LARGE1: variants seen among roughly 807,000 people sequenced by gnomAD.
The protein encoded by LARGE1 is LARGE xylosyl- and glucuronyltransferase 1.
LARGE1 carries 43 observed loss-of-function variants against 87.6 expected under a neutral mutation model. The observed-to-expected ratio is 0.49, with a 90% CI of 0.38 to 0.63. The LOEUF is 0.63. LARGE1 is among the 30% of genes least tolerant of loss of function. The probability of loss-of-function intolerance (pLI) is 0.00; values close to 1 mark genes in which losing one functional copy is unlikely to be tolerated. For synonymous variants in LARGE1, 434 were observed against 394.6 expected (o/e 1.10, Z -1.18); for missense variants, 802 against 1,000.2 (o/e 0.80, Z 2.67).
At chr22:33,215,105 CAATACTA>C (rs1925143371) in intron 11 of LARGE1, among the ~76,000 whole-genome samples, 1 of 152,176 alleles carries the variant, frequency 6.6e-6, no homozygotes, top group Non-Finnish European at 1.5e-5. Context: ...TTTCTTCTAG[CAATACTA>C]AACTCCATAC....
At chr22:33,627,592 A>T (rs1002626825) in intron 3 of LARGE1, among the ~76,000 whole-genome samples, 1 of 152,180 alleles carries the variant, frequency 6.6e-6, no homozygotes, top group African/African-American at 2.4e-5. Flanking sequence ...CAGCCATGTC[A>T]AAATGCAGTT....
chr22:33,755,647 C>T (rs1435111715), intron 2 of LARGE1, among the ~76,000 whole-genome samples: 3 of 152,138 alleles, frequency 2.0e-5, no homozygotes, highest in African/African-American at 7.2e-5. Context: ...CCGGAATTAA[C>T]ATCACGACCA....
intron 2 of LARGE1, among the ~76,000 whole-genome samples, chr22:33,703,596 G>A (rs2082466949): frequency 1.3e-5 from 2 of 152,182 alleles, no homozygotes; most frequent in South Asian, 4.1e-4. Flanking sequence ...AAGAGTCGGC[G>A]TCGGAGGGAA....
At chr22:33,350,794 C>T (rs1940299314) in intron 9 of LARGE1, among the ~76,000 whole-genome samples, 1 of 152,190 alleles carries the variant, frequency 6.6e-6, no homozygotes, top group African/African-American at 2.4e-5. Context: ...TCTAATGGGG[C>T]TGTCAGTCAT....
At chr22:33,396,479 G>GAGAGAGAGAGAT (rs1321540943) in intron 7 of LARGE1, among the ~76,000 whole-genome samples, 1 of 150,012 alleles carries the variant, frequency 6.7e-6, no homozygotes, top group Non-Finnish European at 1.5e-5. Flanking sequence ...GAGAGAGAGA[G>GAGAGAGAGAGAT]AGAGAGAGAG....
chr22:33,544,793 A>C (rs142997111), intron 6 of LARGE1, among the ~76,000 whole-genome samples: 33 of 152,278 alleles, frequency 2.2e-4, no homozygotes, highest in African/African-American at 6.3e-4. Context: ...TTGGGTCACA[A>C]ATCTGCCCTA....
chr22:33,811,721 CAAG>C (rs1163137399), intron 1 of LARGE1, among the ~76,000 whole-genome samples: 9 of 152,056 alleles, frequency 5.9e-5, no homozygotes, highest in African/African-American at 1.7e-4. Flanking sequence ...TTTCTAGAGG[CAAG>C]AAGAAGTAAT....
chr22:33,226,707 A>AATTATT (rs891392926), intron 11 of LARGE1, among the ~76,000 whole-genome samples: 5 of 149,778 alleles, frequency 3.3e-5, no homozygotes, highest in South Asian at 2.1e-4. Flanking sequence ...ATAACCTTTA[A>AATTATT]ATTATTATTA....
intron 2 of LARGE1, among the ~76,000 whole-genome samples, chr22:33,681,527 T>C (rs2081771591): frequency 6.6e-6 from 1 of 152,160 alleles, no homozygotes; most frequent in Non-Finnish European, 1.5e-5. Context: ...ACAGATAACA[T>C]ACATAAAGTT....
chr22:33,877,448 G>C (rs1186810116), intron 1 of LARGE1, among the ~76,000 whole-genome samples: 1 of 152,094 alleles, frequency 6.6e-6, no homozygotes, highest in Admixed American at 6.5e-5. Context: ...GATTATCTGG[G>C]TTCAAACCTT....
intron 12 of LARGE1, 59 bp downstream of exon 12, chr22:33,304,170 G>C: frequency 6.3e-7 from 1 of 1,588,566 alleles, no homozygotes. Flanking sequence ...TTTTGGTCCT[G>C]GCACTGCATG....
At chr22:33,567,997 T>C (rs1463087986) in intron 5 of LARGE1, among the ~76,000 whole-genome samples, 1 of 152,144 alleles carries the variant, frequency 6.6e-6, no homozygotes, top group Non-Finnish European at 1.5e-5. Context: ...CTAAGGAAGA[T>C]TTAATAAAAG....
chr22:33,160,550 C>T (rs537038273), downstream of LARGE1, among the ~76,000 whole-genome samples: 46 of 152,310 alleles, frequency 3.0e-4, no homozygotes, highest in Non-Finnish European at 5.1e-4. Flanking sequence ...GCAGACATGT[C>T]TGGAGACTCT....
downstream of LARGE1, among the ~76,000 whole-genome samples, chr22:33,269,109 G>T (rs1928110527): frequency 6.6e-6 from 1 of 151,982 alleles, no homozygotes; most frequent in Non-Finnish European, 1.5e-5. Flanking sequence ...ACACACTAAA[G>T]TATTTAAATT....
chr22:33,723,351 A>G (rs2149448258), intron 2 of LARGE1, among the ~76,000 whole-genome samples: 1 of 152,338 alleles, frequency 6.6e-6, no homozygotes, highest in Middle Eastern at 3.4e-3. Flanking sequence ...AAAGGGAGGC[A>G]TGCCATCTTT....
intron 6 of LARGE1, among the ~76,000 whole-genome samples, chr22:33,450,713 G>T (rs1023899853): frequency 1.3e-5 from 2 of 152,084 alleles, no homozygotes; most frequent in Non-Finnish European, 2.9e-5. Context: ...TCTTTTCATC[G>T]TATAACTGAT....
chr22:33,648,385 C>A (rs1309756890), intron 3 of LARGE1, among the ~76,000 whole-genome samples: 1 of 152,124 alleles, frequency 6.6e-6, no homozygotes, highest in South Asian at 2.1e-4. Context: ...TTTTTCCCCT[C>A]CTCGATTCTT....
chr22:33,184,103 T>TATATATATATATATATATATATAA (rs71187247), intron 11 of LARGE1, among the ~76,000 whole-genome samples: 19 of 142,384 alleles, frequency 1.3e-4, no homozygotes, highest in Middle Eastern at 3.6e-3. Flanking sequence ...TATATATATA[T>TATATATATATATATATATATATAA]CATATCTTTA....
chr22:33,863,276 C>T (rs558038310), intron 1 of LARGE1, among the ~76,000 whole-genome samples: 2 of 152,270 alleles, frequency 1.3e-5, no homozygotes, highest in South Asian at 4.2e-4. Context: ...AAAGCATTTG[C>T]CATGGAGAAG....
Sources: gnomAD v4.1 joint callset for allele counts (sites outside exome capture counted in the v4.1 genomes callset) on GRCh38, gnomAD v4.1.1 for gene constraint, MANE v1.5 for transcripts, NCBI Gene and HGNC (gene_info 2026-07-23, HGNC 2026-07-21) for gene names.